The following FBN1 variants were observed in gnomAD, a reference collection of about 807,000 sequenced individuals.
The protein encoded by FBN1 is fibrillin-1.
In FBN1, 29 loss-of-function variants were observed where a neutral mutation model predicts 365.1. That is an observed-to-expected ratio of 0.08 (90% CI 0.06 to 0.11). The LOEUF (loss-of-function observed/expected upper bound fraction) is 0.11. Ranked by LOEUF, FBN1 falls within the 10% of genes least tolerant of loss-of-function variation. FBN1 has a pLI of 1.00. For missense variants in FBN1, 2,476 were observed against 3,703.2 expected, an observed-to-expected ratio of 0.67 and a Z score of 8.60; for synonymous variants, 1,210 against 1,270.5, an observed-to-expected ratio of 0.95 and a Z score of 1.01.
intron 53 of FBN1, 117 bp downstream of exon 53, chr15:48,436,844 A>G (rs1297022161): frequency 2.6e-6 from 2 of 772,348 alleles, no homozygotes; most frequent in Admixed American, 3.5e-5. Flanking sequence ...GTATGAGTGG[A>G]TGGATAAAAC....
At chr15:48,610,911 G>A in intron 3 of FBN1, 85 bp from the exon 4 acceptor site, 2 of 1,114,326 alleles carry the variant, frequency 1.8e-6, no homozygotes, top group South Asian at 2.6e-5. Flanking sequence ...AGGAAACCTG[G>A]GTTCTCAGGT....
intron 4 of FBN1, among the ~76,000 whole-genome samples, chr15:48,609,328 G>A (rs184634468): frequency 6.6e-6 from 1 of 152,342 alleles, no homozygotes; most frequent in Non-Finnish European, 1.5e-5. Context: ...TATCCCAATT[G>A]TAACTGGCTG....
At chr15:48,463,618 T>G (rs556970921) in intron 41 of FBN1, among the ~76,000 whole-genome samples, 1 of 152,332 alleles carries the variant, frequency 6.6e-6, no homozygotes, top group Non-Finnish European at 1.5e-5. Context: ...TAAATATAAT[T>G]GTACAAAGAT....
chr15:48,505,002 G>C, intron 16 of FBN1, 23 bp downstream of exon 16: 1 of 1,614,008 alleles, frequency 6.2e-7, no homozygotes. Context: ...TCTCTCATAA[G>C]GTTAGCCATG....
At chr15:48,516,145 A>C (rs1326417211) in intron 11 of FBN1, 38 bp downstream of exon 11, 1 of 1,566,310 alleles carries the variant, frequency 6.4e-7, no homozygotes, top group Admixed American at 1.7e-5. Context: ...AACTTGAACA[A>C]TGCAAGAAAA....
intron 4 of FBN1, among the ~76,000 whole-genome samples, chr15:48,603,434 G>C (rs540971187): frequency 6.5e-4 from 99 of 152,348 alleles, no homozygotes; most frequent in Non-Finnish European, 1.2e-3. Context: ...GGTGGGAGCA[G>C]TCGCTCAGGA....
At chr15:48,511,110 A>G (rs2043755484) in intron 13 of FBN1, among the ~76,000 whole-genome samples, 1 of 152,202 alleles carries the variant, frequency 6.6e-6, no homozygotes, top group African/African-American at 2.4e-5. Context: ...TTGTCTGAGT[A>G]TAAGTGCCCT....
At chr15:48,569,180 A>G (rs2044285513) in intron 6 of FBN1, among the ~76,000 whole-genome samples, 1 of 152,128 alleles carries the variant, frequency 6.6e-6, no homozygotes, top group African/African-American at 2.4e-5. Flanking sequence ...ATTAGAGTAA[A>G]CATGTTACCA....
chr15:48,625,846 T>C (rs1889865660), intron 2 of FBN1, among the ~76,000 whole-genome samples: 1 of 152,172 alleles, frequency 6.6e-6, no homozygotes, highest in Non-Finnish European at 1.5e-5. Flanking sequence ...TTTTTTTGTG[T>C]GTGTATGCAA....
chr15:48,436,915 A>C (rs1443344937), intron 53 of FBN1, 46 bp downstream of exon 53: 1 of 1,201,774 alleles, frequency 8.3e-7, no homozygotes, highest in Non-Finnish European at 1.2e-6. Context: ...TGTATAGCTT[A>C]ATTTTTAATT....
chr15:48,484,847 G>A (rs137985523), intron 30 of FBN1, among the ~76,000 whole-genome samples: 1 of 152,202 alleles, frequency 6.6e-6, no homozygotes, highest in African/African-American at 2.4e-5. Context: ...CACAGCTCTC[G>A]CAGCCAGGGT....
intron 48 of FBN1, among the ~76,000 whole-genome samples, chr15:48,445,000 G>A (rs2043142410): frequency 1.3e-5 from 2 of 150,480 alleles, no homozygotes; most frequent in Non-Finnish European, 3.0e-5. Context: ...ATTTAAGAAG[G>A]GAAATCACAA....
Position 48,516,299 on chromosome 15 carries a change from G to C in FBN1, c.1211C>G (p.Pro404Arg), listed in dbSNP as rs779930519. ...AACTGGAGGAATGGGGCCAAGGGGT[G>C]GGGGAGGATATTCTGGTCTCCCAGG... ...VIPGRPEYPP[P>R]PLGPIPPVLP... Residue 404 changes from proline to arginine, a missense_variant, in exon 11 of 66, where the codon CCA (proline) becomes CGA (arginine). Physicochemically the swap from Pro to Arg is moderately radical, Grantham distance 103 (BLOSUM62 -2). Transcript: ENST00000316623. The C allele has an allele frequency of 1.1e-5, 18 of 1,613,806 alleles. No individual in the cohort carries two copies. Among genetic ancestry groups the C allele is most frequent in the Admixed American group, 1.7e-5 (1 of 60,004 alleles).
At chr15:48,437,140 G>T in intron 52 of FBN1, 63 bp from the exon 53 acceptor site, 1 of 1,244,388 alleles carries the variant, frequency 8.0e-7, no homozygotes, top group South Asian at 1.2e-5. Context: ...GATAAATTAT[G>T]ATCATTTCAG....
At chr15:48,629,806 C>T (rs1889950556) in intron 2 of FBN1, among the ~76,000 whole-genome samples, 1 of 152,244 alleles carries the variant, frequency 6.6e-6, no homozygotes, top group African/African-American at 2.4e-5. Context: ...TGCAGCAGCA[C>T]CTGGCCTAGT....
At chr15:48,521,198 T>C (rs572068335) in intron 9 of FBN1, among the ~76,000 whole-genome samples, 14 of 152,252 alleles carry the variant, frequency 9.2e-5, no homozygotes, top group Non-Finnish European at 1.8e-4. Flanking sequence ...GGTTTCAAAC[T>C]GCTTAATTCG....
At chr15:48,517,372 T>C (rs138147347) in intron 10 of FBN1, among the ~76,000 whole-genome samples, 1,558 of 152,156 alleles carry the variant, frequency 0.01, 28 homozygotes, top group African/African-American at 0.036. Flanking sequence ...AGAATACTGA[T>C]TCGTAAAAGA....
At chr15:48,459,240 A>G (rs1334179504) in intron 43 of FBN1, among the ~76,000 whole-genome samples, 1 of 152,224 alleles carries the variant, frequency 6.6e-6, no homozygotes, top group Non-Finnish European at 1.5e-5. Context: ...TCTTGTGATC[A>G]CAGATTCTAG....
intron 60 of FBN1, among the ~76,000 whole-genome samples, chr15:48,423,386 G>A (rs1423572007): frequency 1.3e-5 from 2 of 152,028 alleles, no homozygotes; most frequent in Non-Finnish European, 2.9e-5. Context: ...TCCTAGTTCC[G>A]GCTTCTCTTA....
Sources: allele counts gnomAD v4.1 joint callset (sites outside exome capture counted in the v4.1 genomes callset), GRCh38; gene constraint gnomAD v4.1.1; transcripts MANE v1.5; gene names NCBI Gene and HGNC (gene_info 2026-07-23, HGNC 2026-07-21).